GABRG3: variants seen among roughly 807,000 people sequenced by gnomAD.
GABRG3 encodes the protein gamma-aminobutyric acid receptor subunit gamma-3.
GABRG3 carries 25 observed loss-of-function variants against 48.8 expected under a neutral mutation model. The observed-to-expected ratio is 0.51, with a 90% CI of 0.37 to 0.72. The LOEUF (loss-of-function observed/expected upper bound fraction) is 0.72. Ranked by LOEUF, GABRG3 falls within the 30% of genes least tolerant of loss-of-function variation. GABRG3 has a pLI of 0.00. For missense variants in GABRG3, 394 were observed against 577.9 expected (o/e 0.68, Z 3.26); for synonymous variants, 227 against 217.6 (o/e 1.04, Z -0.38).
chr15:26,976,402 A>C lies in GABRG3; in HGVS notation c.54-600A>C, dbSNP rs1044610525. On this transcript the variant is annotated intron_variant, in intron 1 of 9. Coordinates refer to ENST00000615808, the MANE Select transcript of GABRG3 (RefSeq NM_033223.5). This position sits in a 1 kb window ranked among gnomAD's most constrained non-coding sequence, Gnocchi z 7.8. ...GCAAGATTGCTAGAGGGTCTTCACC[A>C]GTCATCAGCGAACATCGCTGTCCTT... Among the ~76,000 whole-genome samples, 3 of 152,248 alleles carry C rather than the reference A, an allele frequency of 2.0e-5. No individual in the cohort carries two copies. The highest frequency in any genetic ancestry group is 7.2e-5 in the African/African-American group (3 of 41,474).
At chr15:27,519,850 T>G in intron 6 of GABRG3, 122 bp from the exon 7 acceptor site, 1 of 698,354 alleles carries the variant, frequency 1.4e-6, no homozygotes, top group South Asian at 2.0e-5. Context: ...CCTGATTTGA[T>G]ATTGTTGTAG....
intron 6 of GABRG3, chr15:27,483,424 CAACTT>C (rs1246456992): frequency 1.3e-5 from 2 of 152,234 alleles, no homozygotes; most frequent in African/African-American, 2.4e-5. Context: ...TTCATGACCT[CAACTT>C]AACCATTTTC....
intron 3 of GABRG3, among the ~76,000 whole-genome samples, chr15:27,251,685 G>C (rs1890459565): frequency 6.6e-6 from 1 of 152,072 alleles, no homozygotes; most frequent in Admixed American, 6.6e-5. Context: ...GTGAGGTTTT[G>C]GTTTATTTTC....
At chr15:27,056,402 A>G (rs1896548679) in intron 3 of GABRG3, among the ~76,000 whole-genome samples, 1 of 151,856 alleles carries the variant, frequency 6.6e-6, no homozygotes, top group African/African-American at 2.4e-5. Flanking sequence ...AAACATACAT[A>G]TTGAGATATT....
chr15:27,047,213 C>A (rs534488528), intron 3 of GABRG3, among the ~76,000 whole-genome samples: 1 of 152,300 alleles, frequency 6.6e-6, no homozygotes, highest in African/African-American at 2.4e-5. Context: ...CCCGAGACTT[C>A]CCAGTCTTAC....
intron 6 of GABRG3, among the ~76,000 whole-genome samples, chr15:27,495,506 G>C (rs1244448486): frequency 1.3e-5 from 2 of 152,152 alleles, no homozygotes; most frequent in Non-Finnish European, 2.9e-5. Flanking sequence ...ACATTGAACA[G>C]TTTTATAATA....
Position 27,066,458 on chromosome 15 carries a change from G to T in GABRG3, c.270+39637G>T, listed in dbSNP as rs995527315. The stretch of plus-strand genomic sequence containing the variant: ...CCTAACATTAGAAACAATTGGGACT[G>T]CTTTCAATGAGATGCCAACACATAG... On this transcript the variant is annotated intron_variant, in intron 3 of 9. Transcript: ENST00000615808. Among the ~76,000 whole-genome samples, 5 of 152,212 alleles carry T rather than the reference G, an allele frequency of 3.3e-5. No individual in the cohort carries two copies. In the East Asian group the frequency reaches 9.6e-4, roughly 29 times the overall value.
chr15:27,489,035 C>G (rs149090714), intron 6 of GABRG3, among the ~76,000 whole-genome samples: 1 of 151,840 alleles, frequency 6.6e-6, no homozygotes, highest in Non-Finnish European at 1.5e-5. Context: ...CCCATCCCCC[C>G]ACCCCCCGAC....
chr15:27,363,153 C>A (rs1473937117), intron 5 of GABRG3: 1 of 152,192 alleles, frequency 6.6e-6, no homozygotes, highest in East Asian at 1.9e-4. Flanking sequence ...CATTTCAGAC[C>A]TCCTCCACAA....
At chr15:27,030,120 A>T (rs1896057501) in intron 3 of GABRG3, among the ~76,000 whole-genome samples, 1 of 152,228 alleles carries the variant, frequency 6.6e-6, no homozygotes, top group South Asian at 2.1e-4. Flanking sequence ...ATCAAAGAAT[A>T]CAAGATGAGA....
At chr15:27,440,004 G>A (rs186280305) in intron 5 of GABRG3, among the ~76,000 whole-genome samples, 1 of 152,246 alleles carries the variant, frequency 6.6e-6, no homozygotes, top group Non-Finnish European at 1.5e-5. Flanking sequence ...GCACATCCCT[G>A]AATGGTGCAC....
chr15:27,177,645 G>A (rs779859184), intron 3 of GABRG3, among the ~76,000 whole-genome samples: 1 of 152,186 alleles, frequency 6.6e-6, no homozygotes, highest in South Asian at 2.1e-4. Context: ...AAGCAAGATG[G>A]AGTTAACTGA....
At chr15:27,098,288 G>A (rs990680610) in intron 3 of GABRG3, among the ~76,000 whole-genome samples, 1 of 152,016 alleles carries the variant, frequency 6.6e-6, no homozygotes, top group African/African-American at 2.4e-5. Flanking sequence ...ACAAAAAATA[G>A]CCAGGCGTGG....
At chr15:27,039,983 C>T (rs1276994708) in intron 3 of GABRG3, among the ~76,000 whole-genome samples, 1 of 152,248 alleles carries the variant, frequency 6.6e-6, no homozygotes, top group African/African-American at 2.4e-5. Context: ...CTCTTTTCTG[C>T]TCCCTCCATC....
chr15:27,367,858 A>G (rs1375438145), intron 5 of GABRG3, among the ~76,000 whole-genome samples: 1 of 152,178 alleles, frequency 6.6e-6, no homozygotes, highest in Non-Finnish European at 1.5e-5. Flanking sequence ...TAGATGTGAG[A>G]GAAGACAAAT....
chr15:27,437,032 A>C (rs902422284), intron 5 of GABRG3, among the ~76,000 whole-genome samples: 7 of 144,950 alleles, frequency 4.8e-5, no homozygotes, highest in African/African-American at 1.1e-4. Context: ...AGAGAGAGAG[A>C]GCGCCCACAT....
chr15:27,422,220 C>T (rs568293538), intron 5 of GABRG3, among the ~76,000 whole-genome samples: 18 of 151,970 alleles, frequency 1.2e-4, no homozygotes, highest in African/African-American at 3.9e-4. Context: ...GCTATAAATC[C>T]ACCAATACTG....
At chr15:27,198,877 C>T (rs1236050653) in intron 3 of GABRG3, among the ~76,000 whole-genome samples, 2 of 152,036 alleles carry the variant, frequency 1.3e-5, no homozygotes, top group Non-Finnish European at 1.5e-5. Flanking sequence ...CCATCATTCT[C>T]AGCAAACTAA....
chr15:27,374,821 C>T (rs375856831), intron 5 of GABRG3, among the ~76,000 whole-genome samples: 28 of 152,168 alleles, frequency 1.8e-4, no homozygotes, highest in African/African-American at 5.1e-4. Flanking sequence ...TTCCAGTGGG[C>T]GGAAACTGTA....
Sources: gnomAD v4.1 joint callset for allele counts (sites outside exome capture counted in the v4.1 genomes callset) on GRCh38, gnomAD v4.1.1 for gene constraint, Gnocchi (gnomAD v3.1) non-coding constraint, MANE v1.5 for transcripts, NCBI Gene and HGNC (gene_info 2026-07-23, HGNC 2026-07-21) for gene names.